RBFOX1: variants seen among roughly 807,000 people sequenced by gnomAD.
RBFOX1 encodes RNA binding fox-1 homolog 1, also known as RNA binding protein fox-1 homolog 1.
Under a neutral mutation model 57.7 loss-of-function variants are expected in RBFOX1, and 8 were observed. The ratio of observed to expected loss-of-function variants is 0.14; its 90% CI spans 0.08 to 0.25. The LOEUF (loss-of-function observed/expected upper bound fraction) is 0.25, where lower values mean the gene tolerates loss of function less well. Ranked by LOEUF, RBFOX1 falls within the 10% of genes least tolerant of loss-of-function variation. The pLI is 1.00. For synonymous variants in RBFOX1, 326 were observed against 222.4 expected (o/e 1.47, Z -4.15); for missense variants, 611 against 548.5 (o/e 1.11, Z -1.14).
intron 12 of RBFOX1, among the ~76,000 whole-genome samples, chr16:7,661,836 C>G (rs753163635): frequency 2.6e-5 from 4 of 152,168 alleles, no homozygotes; most frequent in Non-Finnish European, 4.4e-5. Context: ...TGTAGGATGT[C>G]AGCAACACCC....
intron 1 of RBFOX1, among the ~76,000 whole-genome samples, chr16:6,110,800 G>C (rs1007393223): frequency 1.3e-5 from 2 of 152,172 alleles, no homozygotes; most frequent in Non-Finnish European, 2.9e-5. Flanking sequence ...CAACCAGGGA[G>C]GCAGTGCTGC....
At chr16:6,166,364 A>G (rs1048470087) in intron 1 of RBFOX1, among the ~76,000 whole-genome samples, 1 of 141,390 alleles carries the variant, frequency 7.1e-6, no homozygotes, top group Admixed American at 7.0e-5. Context: ...CAAAGGTTCC[A>G]TGGGCTCATC....
intron 1 of RBFOX1, among the ~76,000 whole-genome samples, chr16:5,304,417 T>C (rs1023966895): frequency 6.6e-6 from 1 of 152,216 alleles, no homozygotes; most frequent in African/African-American, 2.4e-5. Flanking sequence ...TTCCTCCTAC[T>C]TTTTGAACCT....
At chr16:6,453,149 C>T (rs972245526) in intron 2 of RBFOX1, among the ~76,000 whole-genome samples, 1 of 151,932 alleles carries the variant, frequency 6.6e-6, no homozygotes, top group Non-Finnish European at 1.5e-5. Context: ...TTCTGGGATA[C>T]ATGTACAGAA....
intron 1 of RBFOX1, among the ~76,000 whole-genome samples, chr16:6,242,575 A>G (rs916413165): frequency 2.1e-5 from 3 of 142,988 alleles, no homozygotes; most frequent in Admixed American, 7.2e-5. Context: ...CACTTATGCA[A>G]CTCTCTGCTT....
intron 4 of RBFOX1, among the ~76,000 whole-genome samples, chr16:7,424,845 C>G (rs1333117346): frequency 6.6e-6 from 1 of 152,078 alleles, no homozygotes; most frequent in Admixed American, 6.6e-5. Context: ...GGGTCTCCCT[C>G]TGGAAATAAC....
At chr16:5,272,996 C>G (rs2063052715) in intron 1 of RBFOX1, among the ~76,000 whole-genome samples, 1 of 152,276 alleles carries the variant, frequency 6.6e-6, no homozygotes, top group East Asian at 1.9e-4. Flanking sequence ...TTTAAACTTT[C>G]AAACTCTTGG....
At chr16:6,903,993 C>G (rs143529945) in intron 3 of RBFOX1, among the ~76,000 whole-genome samples, 3 of 152,086 alleles carry the variant, frequency 2.0e-5, no homozygotes, top group Non-Finnish European at 4.4e-5. Flanking sequence ...CAGGGAGTGA[C>G]CACGTGGTCA....
chr16:5,510,304 T>C (rs1365559110), intron 2 of RBFOX1, among the ~76,000 whole-genome samples: 1 of 152,210 alleles, frequency 6.6e-6, no homozygotes, highest in African/African-American at 2.4e-5. Context: ...AGATCTTGCC[T>C]GGGGTTGGCT....
chr16:7,040,308 C>T (rs75772306), intron 3 of RBFOX1, among the ~76,000 whole-genome samples: 14,311 of 152,036 alleles, frequency 0.094, 1,093 homozygotes, highest in East Asian at 0.32. Context: ...TGTGAGCCAC[C>T]GTGCCCGGCT....
chr16:6,217,581 G>A (rs2097344058), intron 1 of RBFOX1, among the ~76,000 whole-genome samples: 1 of 152,178 alleles, frequency 6.6e-6, no homozygotes. Context: ...TCCTGTCCCA[G>A]GCCCCTGGGT....
chr16:7,387,834 C>T (rs910978510), intron 4 of RBFOX1, among the ~76,000 whole-genome samples: 7 of 151,874 alleles, frequency 4.6e-5, no homozygotes, highest in African/African-American at 1.7e-4. Flanking sequence ...CAGTTTAAAA[C>T]GTCTCTGGAA....
At chr16:5,671,060 T>C (rs2049998938) in intron 3 of RBFOX1, among the ~76,000 whole-genome samples, 1 of 152,244 alleles carries the variant, frequency 6.6e-6, no homozygotes, top group African/African-American at 2.4e-5. Flanking sequence ...CAGCAAATGC[T>C]GGGTGCTCTC....
At chr16:6,110,118 T>A (rs2096427616) in intron 1 of RBFOX1, among the ~76,000 whole-genome samples, 1 of 152,092 alleles carries the variant, frequency 6.6e-6, no homozygotes, top group Non-Finnish European at 1.5e-5. Context: ...CTACTGTCTA[T>A]GGATAAGTAC....
chr16:6,373,866 G>A (rs953390527), intron 2 of RBFOX1, among the ~76,000 whole-genome samples: 3 of 152,158 alleles, frequency 2.0e-5, no homozygotes, highest in African/African-American at 7.2e-5. Context: ...TTCAGGTGCT[G>A]TTTAAGAAGT....
rs78848110 is a variant in RBFOX1 at position 5,796,274 on chromosome 16, C to A, written c.319-71029C>A. Among the ~76,000 whole-genome samples, 383 of 152,322 alleles carry A rather than the reference C, an allele frequency of 2.5e-3. 13 individuals carry two copies. In the East Asian group the frequency reaches 0.062, roughly 25 times the overall value. On this transcript the variant is annotated intron_variant, in intron 3 of 19. Coordinates refer to the RBFOX1 transcript ENST00000641259. ...TGGATGTGGCCCACATGGGTGAAATCTGGAGCATGGAAGAAGGAAACATGT... is the reference window on the plus strand; with the variant it reads ...TGGATGTGGCCCACATGGGTGAAATATGGAGCATGGAAGAAGGAAACATGT...
chr16:6,145,856 T>G (rs1025305293), intron 1 of RBFOX1, among the ~76,000 whole-genome samples: 1 of 152,152 alleles, frequency 6.6e-6, no homozygotes, highest in Admixed American at 6.5e-5. Context: ...TTGCTTTTCT[T>G]GTATGTGGCC....
intron 3 of RBFOX1, among the ~76,000 whole-genome samples, chr16:6,809,478 C>G (rs2087855136): frequency 6.6e-6 from 1 of 152,132 alleles, no homozygotes; most frequent in Non-Finnish European, 1.5e-5. Flanking sequence ...AAAATATTAT[C>G]TTCCTCATCT....
At chr16:7,555,859 G>A (rs935855910) in intron 5 of RBFOX1, among the ~76,000 whole-genome samples, 1 of 152,104 alleles carries the variant, frequency 6.6e-6, no homozygotes, top group Non-Finnish European at 1.5e-5. Flanking sequence ...TTATCTCATG[G>A]TGCCTATGCT....
Sources: gnomAD v4.1 joint callset for allele counts (sites outside exome capture counted in the v4.1 genomes callset) on GRCh38, gnomAD v4.1.1 for gene constraint, MANE v1.5 for transcripts, NCBI Gene and HGNC (gene_info 2026-07-23, HGNC 2026-07-21) for gene names.